The following KIAA2012 variants were observed in gnomAD, a reference collection of about 807,000 sequenced individuals.
KIAA2012 encodes the protein KIAA2012.
KIAA2012 carries 125 observed loss-of-function variants against 150.6 expected under a neutral mutation model. The observed-to-expected ratio is 0.83, with a 90% CI of 0.72 to 0.96. The LOEUF (loss-of-function observed/expected upper bound fraction) is 0.96, where lower values mean the gene tolerates loss of function less well. Ranked by LOEUF, KIAA2012 falls within the 40% of genes least tolerant of loss-of-function variation. The pLI, the probability that KIAA2012 is intolerant of heterozygous loss-of-function variation, is 0.00. For synonymous variants in KIAA2012, 462 were observed against 504.7 expected, an observed-to-expected ratio of 0.92 and a Z score of 1.13; for missense variants, 1,219 against 1,354.9, an observed-to-expected ratio of 0.90 and a Z score of 1.57.
intron 2 of KIAA2012, chr2:202,076,878 GT>G (rs1316784310): frequency 4.6e-5 from 20 of 436,112 alleles, no homozygotes; most frequent in Non-Finnish European, 6.9e-5. Context: ...TCACAGGCAG[GT>G]TGACCACAGG....
chr2:202,096,058 TG>T (rs1205623411), intron 4 of KIAA2012, among the ~76,000 whole-genome samples: 36 of 152,240 alleles, frequency 2.4e-4, no homozygotes, highest in Admixed American at 1.6e-3. Flanking sequence ...CACTCCAGCC[TG>T]GGCAACAGAG....
rs529524546 is a variant in KIAA2012 at position 202,178,175 on chromosome 2, G to A, written c.2120-6578G>A. ...GATGGTGCCATTGCACTCCATCCTG[G>A]GCAACAGAGTGAGACTCTGTCTCAG... On this transcript the variant is annotated intron_variant, in intron 15 of 23. Coordinates refer to ENST00000498697, the MANE Select transcript of KIAA2012 (RefSeq NM_001277372.4). Among the ~76,000 whole-genome samples the A allele has an allele frequency of 4.6e-5, 7 of 151,966 alleles. No homozygotes were observed. In the South Asian group the frequency reaches 1.0e-3, roughly 23 times the overall value.
chr2:202,135,148 T>C (rs567361482), intron 12 of KIAA2012, among the ~76,000 whole-genome samples: 2 of 152,330 alleles, frequency 1.3e-5, no homozygotes, highest in South Asian at 4.1e-4. Flanking sequence ...ATGCTAGCAT[T>C]TGAAAATCTG....
At chr2:202,167,226 G>T (rs2105724841) in intron 15 of KIAA2012, among the ~76,000 whole-genome samples, 1 of 151,764 alleles carries the variant, frequency 6.6e-6, no homozygotes, top group Middle Eastern at 3.4e-3. Flanking sequence ...TCCAGGGAAA[G>T]AATAAAATTT....
At chr2:202,079,194 G>A (rs569641623) in intron 2 of KIAA2012, among the ~76,000 whole-genome samples, 2 of 152,240 alleles carry the variant, frequency 1.3e-5, no homozygotes, top group South Asian at 4.1e-4. Context: ...AGTTGACCCT[G>A]GAAATCAAGG....
chr2:202,105,401 T>C (rs1164487785), intron 8 of KIAA2012, among the ~76,000 whole-genome samples: 1 of 152,230 alleles, frequency 6.6e-6, no homozygotes, highest in African/African-American at 2.4e-5. Flanking sequence ...GCCTTTCCTC[T>C]GAAGCAGGCT....
chr2:202,100,601 A>G (rs908307117), intron 7 of KIAA2012, among the ~76,000 whole-genome samples, 152 bp downstream of exon 7: 3 of 152,244 alleles, frequency 2.0e-5, no homozygotes, highest in African/African-American at 2.4e-5. Context: ...GTGGAGCTGA[A>G]TAGAGCTGTA....
At chr2:202,105,009 C>T (rs1288325561) in intron 8 of KIAA2012, among the ~76,000 whole-genome samples, 1 of 152,152 alleles carries the variant, frequency 6.6e-6, no homozygotes, top group Non-Finnish European at 1.5e-5. Context: ...ACACAGGAAT[C>T]GGGTACAAAG....
intron 9 of KIAA2012, among the ~76,000 whole-genome samples, chr2:202,107,129 A>G (rs1690217044): frequency 6.6e-6 from 1 of 152,130 alleles, no homozygotes; most frequent in Admixed American, 6.5e-5. Context: ...TGGCCTCACT[A>G]GGATTGGAGC....
intron 21 of KIAA2012, among the ~76,000 whole-genome samples, 183 bp downstream of exon 21, chr2:202,194,545 A>G (rs1296237047): frequency 4.1e-5 from 2 of 48,428 alleles, no homozygotes; most frequent in Non-Finnish European, 9.4e-5. Flanking sequence ...TTTAAATAAG[A>G]AAGTAATGAC....
chr2:202,201,929 T>G (rs1046141677), intron 22 of KIAA2012: 1 of 803,870 alleles, frequency 1.2e-6, no homozygotes, highest in East Asian at 2.5e-5. Flanking sequence ...GGGACGGTTA[T>G]CTTTTCCGTC....
chr2:202,193,844 G>A (rs373243538), intron 20 of KIAA2012, among the ~76,000 whole-genome samples: 6 of 152,242 alleles, frequency 3.9e-5, no homozygotes, highest in East Asian at 1.9e-4. Context: ...TGCACTTTGT[G>A]GTCTGCACTG....
At chr2:202,074,761 C>G (rs898953800) in intron 1 of KIAA2012, 130 bp from the exon 2 acceptor site, 1 of 931,896 alleles carries the variant, frequency 1.1e-6, no homozygotes, top group Non-Finnish European at 1.6e-6. Context: ...CAATTGTGTT[C>G]CATAACACCA....
chr2:202,113,824 A>G (rs996275850), intron 11 of KIAA2012: 9 of 179,006 alleles, frequency 5.0e-5, no homozygotes, highest in Non-Finnish European at 9.4e-5. Context: ...TGGTAATCCA[A>G]TCAGGTATCC....
chr2:202,135,924 G>C (rs1434077515), intron 12 of KIAA2012: 2 of 207,674 alleles, frequency 9.6e-6, no homozygotes, highest in East Asian at 2.7e-4. Flanking sequence ...GTTATTTCAA[G>C]GTGTGCCCTT....
chr2:202,186,319 C>A (rs1384726300), intron 16 of KIAA2012, among the ~76,000 whole-genome samples: 3 of 152,042 alleles, frequency 2.0e-5, no homozygotes, highest in African/African-American at 7.2e-5. Flanking sequence ...TTGAGACCAG[C>A]CTGACTAACA....
At chr2:202,176,027 G>A (rs1454180126) in intron 15 of KIAA2012, among the ~76,000 whole-genome samples, 1 of 152,102 alleles carries the variant, frequency 6.6e-6, no homozygotes, top group East Asian at 1.9e-4. Context: ...AACTGGTTAT[G>A]CAATTTTAAA....
rs530172662 is a variant in KIAA2012 at position 202,166,164 on chromosome 2, A to G, written c.2119+808A>G. On this transcript the variant is annotated intron_variant, in intron 15 of 23. Coordinates refer to ENST00000498697, the MANE Select transcript of KIAA2012 (RefSeq NM_001277372.4). ...TCAGTCAAAACAGATTTCCTGTCTC[A>G]TGACGGAAGAGCAGGCACCAGCTGG... 1.1e-3 allele frequency among the ~76,000 whole-genome samples: 174 copies of G among 152,372 alleles called. 1 individual carries two copies. The highest frequency in any genetic ancestry group is 1.9e-3 in the Non-Finnish European group (131 of 68,046).
chr2:202,131,850 G>T (rs1342514294), intron 12 of KIAA2012, among the ~76,000 whole-genome samples: 3 of 152,146 alleles, frequency 2.0e-5, no homozygotes, highest in Non-Finnish European at 4.4e-5. Context: ...CCTTGCAAAG[G>T]AGGCAGGAGC....
Sources: gnomAD v4.1 joint callset for allele counts (sites outside exome capture counted in the v4.1 genomes callset) on GRCh38, gnomAD v4.1.1 for gene constraint, MANE v1.5 for transcripts, NCBI Gene and HGNC (gene_info 2026-07-23, HGNC 2026-07-21) for gene names.